The following CTNND1 variants were observed in gnomAD, a reference collection of about 807,000 sequenced individuals.
CTNND1 encodes catenin delta 1, also known as catenin delta-1.
CTNND1 carries 16 observed loss-of-function variants against 112.1 expected under a neutral mutation model. The ratio of observed to expected loss-of-function variants is 0.14; its 90% CI spans 0.10 to 0.22. The LOEUF (loss-of-function observed/expected upper bound fraction) is 0.22. Ranked by LOEUF, CTNND1 falls within the 10% of genes least tolerant of loss-of-function variation. CTNND1 has a pLI of 1.00. For missense variants in CTNND1, 1,008 were observed against 1,257.0 expected (o/e 0.80, Z 3.00); for synonymous variants, 420 against 446.5 (o/e 0.94, Z 0.75).
Position 57,766,541 on chromosome 11 carries a change from C to G in CTNND1, c.-214+4422C>G, listed in dbSNP as rs117384865. Among the ~76,000 whole-genome samples the G allele has an allele frequency of 4.7e-4, 71 of 152,302 alleles. 1 individual carries two copies. The East Asian group carries it at 0.011, about 24-fold the overall frequency. On this transcript the variant is annotated intron_variant, in intron 1 of 20. Coordinates refer to ENST00000399050, the MANE Select transcript of CTNND1 (RefSeq NM_001085458.2). ...AAGTACAAATATTCTTTCATGTTCT[C>G]TTCCCTCAAAGAAGGGTTAAATGAC... is the stretch of plus-strand genomic sequence containing the variant.
At chr11:57,801,638 G>C in intron 6 of CTNND1, 95 bp from the exon 7 acceptor site, 1 of 1,008,550 alleles carries the variant, frequency 9.9e-7, no homozygotes, top group Non-Finnish European at 1.5e-6. Context: ...TGAAACTCCA[G>C]TTAATCCTCC....
At chr11:57,790,648 C>T (rs956372292) in intron 2 of CTNND1, among the ~76,000 whole-genome samples, 5 of 151,206 alleles carry the variant, frequency 3.3e-5, no homozygotes, top group Non-Finnish European at 5.9e-5. Flanking sequence ...AGCTCCACCT[C>T]CGGCGTTCAC....
intron 1 of CTNND1, among the ~76,000 whole-genome samples, chr11:57,768,989 T>C (rs1425945613): frequency 2.6e-4 from 40 of 152,096 alleles, no homozygotes. Context: ...TGAATAATTT[T>C]TTTTTTTTAC....
intron 6 of CTNND1, among the ~76,000 whole-genome samples, chr11:57,798,086 C>T (rs972459926): frequency 3.3e-5 from 5 of 151,988 alleles, no homozygotes; most frequent in Admixed American, 6.6e-5. Context: ...CGGTGTCTCA[C>T]GCTTGTAATC....
In CTNND1 at chr11:57,804,377, G is replaced by A. The variant is rs563598014; in HGVS notation, c.1605-286G>A. 8.4e-4 allele frequency among the ~76,000 whole-genome samples: 128 copies of A among 152,192 alleles called. 1 individual carries two copies. The highest frequency in any genetic ancestry group is 3.0e-3 in the African/African-American group (126 of 41,524). On this transcript the variant is annotated intron_variant, in intron 8 of 20. Coordinates refer to ENST00000399050, the MANE Select transcript of CTNND1 (RefSeq NM_001085458.2). ...TTTGGAATACACCTCTGTGTGCTGT[G>A]TTCCATTCTACATATGTATTATATA...
At chr11:57,797,569 G>A (rs560345324) in intron 6 of CTNND1, among the ~76,000 whole-genome samples, 15 of 133,908 alleles carry the variant, frequency 1.1e-4, no homozygotes, top group Non-Finnish European at 1.6e-4. Context: ...TGGGCCAGGC[G>A]CGGTGGCTCA....
chr11:57,798,771 ATTT>A (rs1371601956), intron 6 of CTNND1, among the ~76,000 whole-genome samples: 1 of 152,212 alleles, frequency 6.6e-6, no homozygotes, highest in East Asian at 1.9e-4. Context: ...ACGTAGAACT[ATTT>A]TAGGCTTTGC....
At chr11:57,774,445 C>T (rs1433425946) in intron 1 of CTNND1, among the ~76,000 whole-genome samples, 2 of 152,188 alleles carry the variant, frequency 1.3e-5, no homozygotes, top group Non-Finnish European at 2.9e-5. Flanking sequence ...GACAGTTCTT[C>T]CTTCTAGGTT....
At chr11:57,766,546 C>T (rs767454796) in intron 1 of CTNND1, among the ~76,000 whole-genome samples, 7 of 152,228 alleles carry the variant, frequency 4.6e-5, no homozygotes, top group African/African-American at 1.7e-4. Context: ...GTTCTCTTCC[C>T]TCAAAGAAGG....
intron 7 of CTNND1, among the ~76,000 whole-genome samples, 192 bp from the exon 8 acceptor site, chr11:57,803,429 G>A (rs989999729): frequency 1.3e-5 from 2 of 152,134 alleles, no homozygotes; most frequent in Non-Finnish European, 2.9e-5. Flanking sequence ...TTCATGATCT[G>A]TATGTTTATT....
chr11:57,787,649 T>C (rs938219416), intron 1 of CTNND1, among the ~76,000 whole-genome samples: 1 of 152,196 alleles, frequency 6.6e-6, no homozygotes, highest in African/African-American at 2.4e-5. Context: ...TTACTGCCAT[T>C]GTTGGGTAGT....
chr11:57,789,118 C>CT lies in CTNND1; in HGVS notation c.-131dup. On this transcript the variant is annotated 5_prime_UTR_variant, in exon 2 of 21. Transcript: ENST00000399050. ...TTTTGAATCTAGACTGGGCTGTTCTCTGTGTTAAACCAATCAGTTGCGACC... is the reference window on the plus strand; with the variant it reads ...TTTTGAATCTAGACTGGGCTGTTCTCTTGTGTTAAACCAATCAGTTGCGACC... 2.0e-6 allele frequency: 3 copies of CT among 1,535,434 alleles called. No individual in the cohort carries two copies. Among genetic ancestry groups the CT allele is most frequent in the Non-Finnish European group, 2.6e-6 (3 of 1,146,790 alleles).
chr11:57,810,776 G>A (rs150057079), intron 16 of CTNND1, among the ~76,000 whole-genome samples: 21 of 151,888 alleles, frequency 1.4e-4, no homozygotes, highest in African/African-American at 4.6e-4. Context: ...GAAACATGGC[G>A]AAACCCATCT....
intron 11 of CTNND1, 91 bp from the exon 12 acceptor site, chr11:57,806,824 G>T (rs1320337635): frequency 3.5e-6 from 4 of 1,134,992 alleles, no homozygotes; most frequent in African/African-American, 1.6e-5. Context: ...TGATCAAAAG[G>T]TTCTGACTGA....
chr11:57,800,834 G>C (rs1439578997), intron 6 of CTNND1, among the ~76,000 whole-genome samples: 1 of 152,182 alleles, frequency 6.6e-6, no homozygotes, highest in Non-Finnish European at 1.5e-5. Context: ...TGGTAGTTAC[G>C]AATAAATAAT....
chr11:57,778,321 A>C (rs912792620), intron 1 of CTNND1, among the ~76,000 whole-genome samples: 1 of 152,098 alleles, frequency 6.6e-6, no homozygotes, highest in Admixed American at 6.5e-5. Flanking sequence ...GAAGTTCCTA[A>C]AGTAGTTCTC....
At chr11:57,767,601 C>T (rs1951430354) in intron 1 of CTNND1, among the ~76,000 whole-genome samples, 2 of 152,100 alleles carry the variant, frequency 1.3e-5, no homozygotes, top group South Asian at 2.1e-4. Context: ...TAGACTGCCA[C>T]GGAGGAAACA....
intron 1 of CTNND1, among the ~76,000 whole-genome samples, chr11:57,762,693 C>T (rs1379547272): frequency 6.6e-6 from 1 of 152,064 alleles, no homozygotes; most frequent in Non-Finnish European, 1.5e-5. Flanking sequence ...GCCTCATTCT[C>T]CTGCTAGATG....
chr11:57,785,518 C>T (rs2060029615), intron 1 of CTNND1, among the ~76,000 whole-genome samples: 1 of 151,870 alleles, frequency 6.6e-6, no homozygotes, highest in Non-Finnish European at 1.5e-5. Flanking sequence ...GAAATCATTC[C>T]AGGGACTGTG....
Sources: gnomAD v4.1 joint callset for allele counts (sites outside exome capture counted in the v4.1 genomes callset) on GRCh38, gnomAD v4.1.1 for gene constraint, MANE v1.5 for transcripts, NCBI Gene and HGNC (gene_info 2026-07-23, HGNC 2026-07-21) for gene names.